Variants in SYNE3 observed in about 807,000 individuals in gnomAD.
SYNE3 encodes spectrin repeat containing nuclear envelope family member 3, also known as nesprin-3.
Under a neutral mutation model 111.2 loss-of-function variants are expected in SYNE3, and 100 were observed. The observed-to-expected ratio is 0.90, with a 90% CI of 0.77 to 1.06. The LOEUF is 1.06. Ranked by LOEUF, SYNE3 falls within the 50% of genes least tolerant of loss-of-function variation. SYNE3 has a pLI of 0.00. For missense variants in SYNE3, 1,160 were observed against 1,240.3 expected (o/e 0.94, Z 0.97); for synonymous variants, 547 against 533.9 (o/e 1.02, Z -0.34).
chr14:95,466,124 C>G lies in SYNE3; in HGVS notation c.434G>C (p.Gly145Ala). Residue 145 changes from glycine to alanine, a missense_variant, in exon 4 of 18, where the codon GGC becomes GCC. Coordinates refer to ENST00000682763, the MANE Select transcript of SYNE3 (RefSeq NM_152592.6). ...CAGCTGCCACTGCTTCTCCTTCAGGCCCAGCTGGAGCTCGATGTGGGGCTC... is the reference window on the plus strand; with the variant it reads ...CAGCTGCCACTGCTTCTCCTTCAGGGCCAGCTGGAGCTCGATGTGGGGCTC... ...TLEPHIELQL[G>A]LKEKQWQLSH... 1 of 1,612,684 alleles carries G rather than the reference C, an allele frequency of 6.2e-7. No individual in the cohort carries two copies. The highest frequency in any genetic ancestry group is 1.1e-5 in the South Asian group (1 of 91,050).
rs1414378634 is a variant in SYNE3 at position 95,467,963 on chromosome 14, A to G, written c.149T>C (p.Ile50Thr). 3 of 1,610,444 alleles carry G rather than the reference A, an allele frequency of 1.9e-6. No individual in the cohort carries two copies. Among genetic ancestry groups the G allele is most frequent in the Admixed American group, 3.3e-5 (2 of 59,728 alleles). The change falls in exon 3 of 18, where the codon ATA becomes ACA. Residue 50 changes from isoleucine (I) to threonine (T), a missense_variant. Physicochemically the swap from Ile to Thr is moderately conservative, Grantham distance 89. Coordinates refer to ENST00000682763, the MANE Select transcript of SYNE3 (RefSeq NM_152592.6). ...ACGCCCCTCGGGCTCCAGCTGGCATATTTTCTGTTGTGGACACACAAGCCA... is the reference window on the plus strand; with the variant it reads ...ACGCCCCTCGGGCTCCAGCTGGCATGTTTTCTGTTGTGGACACACAAGCCA... Reference protein sequence around the residue: ...LEARLWETEKICQLEPEGRVR... With the variant: ...LEARLWETEKTCQLEPEGRVR...
intron 2 of SYNE3, among the ~76,000 whole-genome samples, chr14:95,468,955 G>A (rs766185587): frequency 6.6e-6 from 1 of 152,178 alleles, no homozygotes; most frequent in East Asian, 1.9e-4. Context: ...TACTGCTGCT[G>A]TGACCTTTGT....
At chr14:95,421,634 C>T (rs1885132005) in intron 17 of SYNE3, among the ~76,000 whole-genome samples, 1 of 152,198 alleles carries the variant, frequency 6.6e-6, no homozygotes, top group Non-Finnish European at 1.5e-5. Flanking sequence ...CCAATAAAGG[C>T]TCACTTCCTT....
chr14:95,423,361 G>T (rs112494404), intron 17 of SYNE3, among the ~76,000 whole-genome samples: 2,641 of 152,300 alleles, frequency 0.017, 86 homozygotes, highest in African/African-American at 0.059. Flanking sequence ...TTCCTTATCT[G>T]CCATCCCCCT....
chr14:95,496,853 CT>C (rs1400676456), intron 1 of SYNE3, among the ~76,000 whole-genome samples: 1 of 152,218 alleles, frequency 6.6e-6, no homozygotes. Flanking sequence ...GCTGTGGAGT[CT>C]TCCAGCCATG....
intron 4 of SYNE3, among the ~76,000 whole-genome samples, chr14:95,465,660 G>T (rs1467464938): frequency 3.9e-5 from 6 of 152,082 alleles, no homozygotes; most frequent in Non-Finnish European, 8.8e-5. Flanking sequence ...TGAACAAATG[G>T]TGGGGTAGAT....
At position 95,439,593 on chromosome 14, in the gene SYNE3, G is replaced by A; in HGVS notation, c.2246+19C>T. 6.2e-7 allele frequency: 1 copy of A among 1,604,246 alleles called. No homozygotes were observed. The highest frequency in any genetic ancestry group is 8.5e-7 in the Non-Finnish European group (1 of 1,179,846). On this transcript the variant is annotated intron_variant, in intron 13 of 17. Coordinates refer to ENST00000682763, the MANE Select transcript of SYNE3 (RefSeq NM_152592.6). ...GGCAGTGTCCCAGACAACGCTCAGAGCCTAGGAGGCACTCTCACCTCAGCA... is the reference window on the plus strand; with the variant it reads ...GGCAGTGTCCCAGACAACGCTCAGAACCTAGGAGGCACTCTCACCTCAGCA...
In SYNE3 at chr14:95,414,543, T is replaced by G. The variant is rs1445381751; in HGVS notation, c.*3283A>C. Reference sequence around the variant, plus strand: ...CTTTTCTTTTTAAACACCCTCTGGGTGCTGCATGTGCCTTTCCACATGCAG... The same window carrying G: ...CTTTTCTTTTTAAACACCCTCTGGGGGCTGCATGTGCCTTTCCACATGCAG... On this transcript the variant is annotated 3_prime_UTR_variant, in exon 18 of 18. Coordinates refer to ENST00000682763, the MANE Select transcript of SYNE3 (RefSeq NM_152592.6). 1 of 152,164 alleles carries G rather than the reference T, an allele frequency of 6.6e-6. No homozygotes were observed. The highest frequency in any genetic ancestry group is 1.5e-5 in the Non-Finnish European group (1 of 68,048). 9.4% of individuals were successfully genotyped at this position (152,164 alleles called of 1,614,324 possible).
At chr14:95,483,011 C>T (rs1015681561) in intron 1 of SYNE3, among the ~76,000 whole-genome samples, 4 of 152,164 alleles carry the variant, frequency 2.6e-5, no homozygotes, top group Non-Finnish European at 4.4e-5. Flanking sequence ...TCCCAGAACC[C>T]CACTGGTAAC....
intron 4 of SYNE3, among the ~76,000 whole-genome samples, chr14:95,463,434 A>T (rs1887967594): frequency 6.6e-6 from 1 of 152,204 alleles, no homozygotes; most frequent in African/African-American, 2.4e-5. Context: ...ACCCATGCAC[A>T]TACATGCAAA....
rs1450037778 is a variant in SYNE3 at position 95,409,694 on chromosome 14, C to T, written c.*8132G>A. 3.3e-6 allele frequency: 1 copy of T among 306,008 alleles called. No homozygotes were observed. Among genetic ancestry groups the T allele is most frequent in the Non-Finnish European group, 6.4e-6 (1 of 156,502 alleles). 19.0% of individuals were successfully genotyped at this position (306,008 alleles called of 1,614,324 possible). ...ATGTTCTTTTAGAAACAAATTCCTCCTTGTTCTTACTTTGAAAAACAGAAG... is the reference window on the plus strand; with the variant it reads ...ATGTTCTTTTAGAAACAAATTCCTCTTTGTTCTTACTTTGAAAAACAGAAG... On this transcript the variant is annotated 3_prime_UTR_variant, in exon 18 of 18. Transcript: ENST00000682763.
At chr14:95,451,265 C>A (rs1887058052) in intron 7 of SYNE3, 1 of 152,236 alleles carries the variant, frequency 6.6e-6, no homozygotes. Context: ...ATTATGGAGA[C>A]CCTAGACCAG....
intron 1 of SYNE3, among the ~76,000 whole-genome samples, chr14:95,499,578 A>T (rs1162139423): frequency 6.6e-6 from 1 of 152,130 alleles, no homozygotes; most frequent in Non-Finnish European, 1.5e-5. Context: ...ATTACTAAGT[A>T]CCCATGAGGT....
intron 3 of SYNE3, among the ~76,000 whole-genome samples, chr14:95,466,487 G>A (rs1479736394): frequency 1.3e-5 from 2 of 152,184 alleles, no homozygotes; most frequent in South Asian, 2.1e-4. Context: ...GGAGCCAGGG[G>A]AGCTCAGACT....
chr14:95,466,337 T>G, intron 3 of SYNE3, 97 bp from the exon 4 acceptor site: 1 of 1,391,770 alleles, frequency 7.2e-7, no homozygotes. Flanking sequence ...ACTAGGGGGC[T>G]GTGGTCTGGG....
intron 1 of SYNE3, among the ~76,000 whole-genome samples, chr14:95,493,674 G>GC (rs1199378447): frequency 6.6e-6 from 1 of 152,220 alleles, no homozygotes; most frequent in East Asian, 1.9e-4. Context: ...AAGAGGGGTG[G>GC]CCACCAGTGG....
chr14:95,506,408 C>T (rs1044024987), intron 1 of SYNE3, among the ~76,000 whole-genome samples: 2 of 152,246 alleles, frequency 1.3e-5, no homozygotes, highest in Non-Finnish European at 2.9e-5. Flanking sequence ...CCCTGTATAC[C>T]TCTAAAGGAG....
intron 17 of SYNE3, among the ~76,000 whole-genome samples, chr14:95,422,361 T>C (rs916326381): frequency 6.6e-6 from 1 of 152,130 alleles, no homozygotes; most frequent in Admixed American, 6.5e-5. Flanking sequence ...GACTTTCCTA[T>C]GCTCATTTTA....
chr14:95,498,029 T>TAAAA (rs59849522), intron 1 of SYNE3, among the ~76,000 whole-genome samples: 11,853 of 134,986 alleles, frequency 0.088, 535 homozygotes, highest in African/African-American at 0.099. Context: ...TCCCAACTCT[T>TAAAA]AAAAAAAAAA....
Sources: allele counts gnomAD v4.1 joint callset (sites outside exome capture counted in the v4.1 genomes callset), GRCh38; gene constraint gnomAD v4.1.1; transcripts MANE v1.5; gene names NCBI Gene and HGNC (gene_info 2026-07-23, HGNC 2026-07-21).